Variants in PRDM1 observed in about 807,000 individuals in gnomAD.
PRDM1 encodes PR/SET domain 1, also known as PR domain zinc finger protein 1.
PRDM1 carries 13 observed loss-of-function variants against 62.8 expected under a neutral mutation model. The observed-to-expected ratio is 0.21, with a 90% confidence interval of 0.13 to 0.33. The LOEUF (loss-of-function observed/expected upper bound fraction) is 0.33. Ranked by LOEUF, PRDM1 falls within the 10% of genes least tolerant of loss-of-function variation. The pLI, the probability that PRDM1 is intolerant of heterozygous loss-of-function variation, is 1.00. For synonymous variants in PRDM1, 396 were observed against 417.6 expected, an observed-to-expected ratio of 0.95 and a Z score of 0.63; for missense variants, 895 against 1,058.8, an observed-to-expected ratio of 0.85 and a Z score of 2.15.
intron 1 of PRDM1, among the ~76,000 whole-genome samples, chr6:106,035,169 ACTT>A (rs1772907713): frequency 6.6e-6 from 1 of 152,286 alleles, no homozygotes; most frequent in East Asian, 1.9e-4. Context: ...AGAACTGACT[ACTT>A]CTCCCTTCAG....
At position 106,108,074 on chromosome 6, in the gene PRDM1, G is replaced by A. The variant is rs1774555914; in HGVS notation, c.*588G>A. 2 of 233,156 alleles carry A rather than the reference G, an allele frequency of 8.6e-6. No homozygotes were observed. The highest frequency in any genetic ancestry group is 1.7e-5 in the Non-Finnish European group (2 of 117,766). The allele number at this position is 233,156 out of a possible 1,614,324, so 14.4% of individuals were successfully genotyped here. Reference sequence around the variant, plus strand: ...GTTTGAAAATGAGGTTTGGGTAATTGCCAATGTTGGACAGTTGATGTGTTC... The same window carrying A: ...GTTTGAAAATGAGGTTTGGGTAATTACCAATGTTGGACAGTTGATGTGTTC... On this transcript the variant is annotated 3_prime_UTR_variant, in exon 7 of 7. Transcript: ENST00000369096.
intron 1 of PRDM1, among the ~76,000 whole-genome samples, chr6:106,055,210 G>T (rs955782595): frequency 6.6e-6 from 1 of 152,186 alleles, no homozygotes; most frequent in Non-Finnish European, 1.5e-5. Flanking sequence ...ACTGGGCAGG[G>T]TCCTTAAATG....
chr6:106,096,042 C>T (rs1562168538), intron 3 of PRDM1: 2 of 248,614 alleles, frequency 8.0e-6, no homozygotes, highest in Non-Finnish European at 1.6e-5. Context: ...TTGCATTTCT[C>T]CGCAAGGAAG....
chr6:106,082,861 C>G (rs1326477586), upstream of PRDM1, among the ~76,000 whole-genome samples: 1 of 152,128 alleles, frequency 6.6e-6, no homozygotes, highest in African/African-American at 2.4e-5. Flanking sequence ...TAAATTGATT[C>G]AACTCATCAT....
intron 1 of PRDM1, among the ~76,000 whole-genome samples, chr6:106,071,429 A>T (rs1773518435): frequency 6.6e-6 from 1 of 152,150 alleles, no homozygotes; most frequent in African/African-American, 2.4e-5. Flanking sequence ...ACATACAGGT[A>T]TCTCCAATAA....
chr6:106,085,278 A>T (rs189876066), upstream of PRDM1, among the ~76,000 whole-genome samples: 134 of 152,240 alleles, frequency 8.8e-4, 1 homozygote, highest in Middle Eastern at 6.8e-3. Context: ...AAATGATTTT[A>T]AAAAAACCTA....
chr6:106,046,307 A>C (rs989984222), upstream of PRDM1: 1 of 152,018 alleles, frequency 6.6e-6, no homozygotes, highest in South Asian at 2.1e-4. Flanking sequence ...TTTCAGAAGA[A>C]GGAGGTGGTT....
At position 106,072,465 on chromosome 6, in the gene PRDM1, C is replaced by T. The variant is rs561851281; in HGVS notation, c.-66-15736C>T. 3.9e-5 allele frequency among the ~76,000 whole-genome samples: 6 copies of T among 152,332 alleles called. No homozygotes were observed. The South Asian group carries it at 1.2e-3, about 32-fold the overall frequency. On this transcript the variant is annotated intron_variant, in intron 1 of 6. Coordinates refer to the PRDM1 transcript ENST00000651185. ...AGTATCTCATATTCCCCAAGCACAA[C>T]TCTTCTATTTTCTGTTATAGAAGGG...
Position 106,108,595 on chromosome 6 carries a change from TAGGCTC to T in PRDM1, c.*1114_*1119del, listed in dbSNP as rs976747605. 4 of 226,890 alleles carry T rather than the reference TAGGCTC, an allele frequency of 1.8e-5. No individual in the cohort carries two copies. The highest frequency in any genetic ancestry group is 3.4e-5 in the Non-Finnish European group (4 of 116,360). The allele number at this position is 226,890 out of a possible 1,614,324, so 14.1% of individuals were successfully genotyped here. ...TCTACCAGGAAGGATTCGAGGTAGATAGGCTCAGGCCACACTTTAAAAACAAACACA... is the reference window on the plus strand; with the variant it reads ...TCTACCAGGAAGGATTCGAGGTAGATAGGCCACACTTTAAAAACAAACACA... On this transcript the variant is annotated 3_prime_UTR_variant, in exon 7 of 7. Coordinates refer to ENST00000369096, the MANE Select transcript of PRDM1 (RefSeq NM_001198.4).
chr6:106,081,694 C>A (rs778733978), upstream of PRDM1, among the ~76,000 whole-genome samples: 1 of 152,142 alleles, frequency 6.6e-6, no homozygotes, highest in Non-Finnish European at 1.5e-5. Flanking sequence ...GAAAGTCAAG[C>A]CTCTACAGTC....
intron 1 of PRDM1, among the ~76,000 whole-genome samples, chr6:106,025,410 C>T (rs1263771749): frequency 6.6e-6 from 1 of 152,218 alleles, no homozygotes; most frequent in African/African-American, 2.4e-5. Context: ...TTTCAGCCCA[C>T]TGATTTTCCT....
chr6:105,996,606 C>T (rs955222451), intron 1 of PRDM1, among the ~76,000 whole-genome samples: 4 of 152,150 alleles, frequency 2.6e-5, no homozygotes, highest in African/African-American at 4.8e-5. Context: ...TTAATATATG[C>T]CATATTTTGA....
At chr6:106,005,243 G>A (rs1772469965) in intron 1 of PRDM1, among the ~76,000 whole-genome samples, 1 of 152,184 alleles carries the variant, frequency 6.6e-6, no homozygotes, top group Admixed American at 6.5e-5. Context: ...GACTTAAGAG[G>A]ATTTCTTTAC....
At chr6:106,079,415 A>G (rs1234482724) in intron 1 of PRDM1, among the ~76,000 whole-genome samples, 1 of 152,244 alleles carries the variant, frequency 6.6e-6, no homozygotes, top group Non-Finnish European at 1.5e-5. Context: ...ACCCCACCCA[A>G]TGATTTTGAG....
At chr6:106,045,375 G>C (rs947334493), upstream of PRDM1, 1 of 152,098 alleles carries the variant, frequency 6.6e-6, no homozygotes, top group African/African-American at 2.4e-5. Flanking sequence ...TTTCATATTA[G>C]ACTGTTTAAA....
chr6:106,002,706 G>GA (rs1412544846), intron 1 of PRDM1, among the ~76,000 whole-genome samples: 1 of 152,048 alleles, frequency 6.6e-6, no homozygotes, highest in Non-Finnish European at 1.5e-5. Context: ...CCCACTAGAA[G>GA]AAAAAATGAT....
rs182071023 is a variant in PRDM1, at chr6:106,033,353, A to G, written c.-67+39714A>G. ...TTTTTTGTAGAGACAGAATCTCTCT[A>G]TATTGCCCAGGCTTGTCTCGAACTC... On this transcript the variant is annotated intron_variant, in intron 1 of 6. Transcript: ENST00000652320. Among the ~76,000 whole-genome samples, 389 of 146,776 alleles carry G rather than the reference A, an allele frequency of 2.7e-3. 1 individual carries two copies. The highest frequency in any genetic ancestry group is 0.022 in the Middle Eastern group (6 of 276).
chr6:106,085,003 TA>T (rs1201911690), upstream of PRDM1, among the ~76,000 whole-genome samples: 2 of 152,012 alleles, frequency 1.3e-5, no homozygotes, highest in Admixed American at 6.6e-5. Context: ...CCCTCTCCCC[TA>T]AAAAAAATTC....
At chr6:106,055,410 T>C (rs1773248658) in intron 1 of PRDM1, among the ~76,000 whole-genome samples, 1 of 152,222 alleles carries the variant, frequency 6.6e-6, no homozygotes, top group Non-Finnish European at 1.5e-5. Context: ...AGCATGTGAT[T>C]AGTAGCCTGG....
Sources: allele counts gnomAD v4.1 joint callset (sites outside exome capture counted in the v4.1 genomes callset), GRCh38; gene constraint gnomAD v4.1.1; transcripts MANE v1.5; gene names NCBI Gene and HGNC (gene_info 2026-07-23, HGNC 2026-07-21).